SEMA3C: variants seen among roughly 807,000 people sequenced by gnomAD.
The protein encoded by SEMA3C is semaphorin-3C.
SEMA3C carries 47 observed loss-of-function variants against 89.4 expected under a neutral mutation model. That is an observed-to-expected ratio of 0.53 (90% CI 0.42 to 0.67). The LOEUF (loss-of-function observed/expected upper bound fraction) is 0.67, where lower values mean the gene tolerates loss of function less well. Ranked by LOEUF, SEMA3C falls within the 30% of genes least tolerant of loss-of-function variation. The pLI is 0.00. For missense variants in SEMA3C, 839 were observed against 929.1 expected (o/e 0.90, Z 1.26); for synonymous variants, 310 against 320.2 (o/e 0.97, Z 0.34).
chr7:80,748,513 C>T (rs1157496410), intron 17 of SEMA3C, among the ~76,000 whole-genome samples: 2 of 152,162 alleles, frequency 1.3e-5, no homozygotes, highest in African/African-American at 4.8e-5. Flanking sequence ...TAATTTCTTG[C>T]TGAGGAAAAC....
intron 15 of SEMA3C, among the ~76,000 whole-genome samples, chr7:80,752,626 A>G (rs1787963046): frequency 6.6e-6 from 1 of 151,820 alleles, no homozygotes. Flanking sequence ...AAAAAAAAAA[A>G]AAAAAAATAC....
intron 5 of SEMA3C, among the ~76,000 whole-genome samples, chr7:80,814,889 TC>T (rs779714055): frequency 6.6e-6 from 1 of 152,206 alleles, no homozygotes; most frequent in Non-Finnish European, 1.5e-5. Context: ...TTTGTGGTCT[TC>T]TATGTCAACT....
At chr7:80,762,381 CA>C (rs1202444074) in intron 13 of SEMA3C, among the ~76,000 whole-genome samples, 1 of 151,742 alleles carries the variant, frequency 6.6e-6, no homozygotes, top group African/African-American at 2.4e-5. Flanking sequence ...TTGTTGCAAA[CA>C]AAAAAATATT....
At chr7:80,882,019 A>G (rs1791354923) in intron 2 of SEMA3C, among the ~76,000 whole-genome samples, 1 of 152,222 alleles carries the variant, frequency 6.6e-6, no homozygotes, top group Admixed American at 6.5e-5. Flanking sequence ...CAAGTGAAGG[A>G]AAGATGTTGC....
intron 1 of SEMA3C, among the ~76,000 whole-genome samples, chr7:80,917,565 G>C (rs1160135872): frequency 6.6e-6 from 1 of 152,136 alleles, no homozygotes; most frequent in African/African-American, 2.4e-5. Flanking sequence ...ATAAATCAAA[G>C]AGACAGGTGT....
chr7:80,873,738 A>G (rs2116061630), intron 2 of SEMA3C, among the ~76,000 whole-genome samples: 1 of 152,306 alleles, frequency 6.6e-6, no homozygotes, highest in Admixed American at 6.5e-5. Flanking sequence ...TTTGATTTTA[A>G]GTGAAATGAG....
At chr7:80,760,707 CT>C (rs748532699) in intron 14 of SEMA3C, among the ~76,000 whole-genome samples, 3 of 152,090 alleles carry the variant, frequency 2.0e-5, no homozygotes, top group Non-Finnish European at 2.9e-5. Context: ...AGGTCTCAGG[CT>C]TTTACAGACA....
chr7:80,841,120 T>C (rs768332287), intron 2 of SEMA3C, among the ~76,000 whole-genome samples: 4 of 151,942 alleles, frequency 2.6e-5, no homozygotes, highest in African/African-American at 9.7e-5. Flanking sequence ...ACCATAGGGG[T>C]TGAATTTTTC....
intron 2 of SEMA3C, among the ~76,000 whole-genome samples, chr7:80,851,247 C>G (rs1037987075): frequency 1.3e-5 from 2 of 152,048 alleles, no homozygotes; most frequent in African/African-American, 4.8e-5. Flanking sequence ...TGTCTCATGC[C>G]TGTAAACTCA....
At chr7:80,851,504 TAAAAAA>T (rs35936052) in intron 2 of SEMA3C, among the ~76,000 whole-genome samples, 27 of 69,804 alleles carry the variant, frequency 3.9e-4, no homozygotes, top group Admixed American at 3.6e-3. Flanking sequence ...CTCTTGTCTT[TAAAAAA>T]AAAAAAAAAA....
chr7:80,806,388 A>G (rs949087596), intron 6 of SEMA3C, among the ~76,000 whole-genome samples: 1 of 152,280 alleles, frequency 6.6e-6, no homozygotes, highest in South Asian at 2.1e-4. Flanking sequence ...TAACTGTCAA[A>G]ACATTATCAG....
At chr7:80,771,370 A>G (rs1788428282) in intron 12 of SEMA3C, among the ~76,000 whole-genome samples, 1 of 152,236 alleles carries the variant, frequency 6.6e-6, no homozygotes, top group South Asian at 2.1e-4. Flanking sequence ...AACTCTATGC[A>G]CAAAGGTAAC....
intron 16 of SEMA3C, 116 bp from the exon 17 acceptor site, chr7:80,749,144 T>A: frequency 9.3e-7 from 1 of 1,080,208 alleles, no homozygotes; most frequent in Non-Finnish European, 1.2e-6. Context: ...TGTGAACAAC[T>A]ATCGCAGCCA....
intron 2 of SEMA3C, among the ~76,000 whole-genome samples, chr7:80,871,017 G>A (rs955737146): frequency 3.3e-5 from 5 of 152,128 alleles, no homozygotes; most frequent in Non-Finnish European, 7.4e-5. Flanking sequence ...TTTAATTTAC[G>A]TTCCTCTATA....
intron 2 of SEMA3C, among the ~76,000 whole-genome samples, chr7:80,830,782 C>T (rs1454558622): frequency 1.3e-5 from 2 of 152,108 alleles, no homozygotes; most frequent in African/African-American, 4.8e-5. Context: ...AGAGGTGACA[C>T]AGCTGGCAGG....
chr7:80,815,740 G>C (rs1462655171), intron 5 of SEMA3C, among the ~76,000 whole-genome samples: 3 of 151,970 alleles, frequency 2.0e-5, no homozygotes, highest in Non-Finnish European at 4.4e-5. Context: ...AAAAAGCATA[G>C]GGGATAATTT....
At chr7:80,919,298 T>C (rs1792360321), upstream of SEMA3C, 1 of 984,018 alleles carries the variant, frequency 1.0e-6, no homozygotes, top group Non-Finnish European at 1.2e-6. Flanking sequence ...GACGCAAGAA[T>C]GCGCGGCCGC....
At chr7:80,864,263 G>C (rs60547338) in intron 2 of SEMA3C, among the ~76,000 whole-genome samples, 1 of 151,342 alleles carries the variant, frequency 6.6e-6, no homozygotes, top group African/African-American at 2.5e-5. Flanking sequence ...GAGCGGGTGA[G>C]GGATAAAAGA....
In SEMA3C at chr7:80,891,315, T is replaced by C. The variant is rs193107333; in HGVS notation, c.103+25364A>G. Among the ~76,000 whole-genome samples, 8 of 152,238 alleles carry C rather than the reference T, an allele frequency of 5.3e-5. No individual in the cohort carries two copies. In the East Asian group the frequency reaches 1.5e-3, roughly 29 times the overall value. On this transcript the variant is annotated intron_variant, in intron 2 of 17. Coordinates refer to ENST00000265361, the MANE Select transcript of SEMA3C (RefSeq NM_006379.5). ...TCCTGACATAGGTCCATCCTCACTT[T>C]GCAAAACCTGTTACTGAGTGAGTTC... is the stretch of plus-strand genomic sequence containing the variant.
Sources: allele counts gnomAD v4.1 joint callset (sites outside exome capture counted in the v4.1 genomes callset), GRCh38; gene constraint gnomAD v4.1.1; transcripts MANE v1.5; gene names NCBI Gene and HGNC (gene_info 2026-07-23, HGNC 2026-07-21).